ANKRD62: variants seen among roughly 807,000 people sequenced by gnomAD.
ANKRD62 encodes the protein ankyrin repeat domain 62, also known as ankyrin repeat domain-containing protein 62.
Under a neutral mutation model 98.8 loss-of-function variants are expected in ANKRD62, and 61 were observed. The ratio of observed to expected loss-of-function variants is 0.62; its 90% CI spans 0.50 to 0.76. ANKRD62 has a LOEUF of 0.76. Among genes scored for constraint, ANKRD62 ranks in the 30% least tolerant of loss-of-function variants. The pLI, the probability that ANKRD62 is intolerant of heterozygous loss-of-function variation, is 0.00. For synonymous variants in ANKRD62, 341 were observed against 367.9 expected (o/e 0.93, Z 0.84); for missense variants, 933 against 1,082.9 (o/e 0.86, Z 1.94).
the ANKRD62 span, among the ~76,000 whole-genome samples, chr18:12,156,031 C>G: frequency 2.6e-5 from 4 of 151,960 alleles, no homozygotes; most frequent in East Asian, 3.9e-4. Context: ...TTTAAAGGAG[C>G]CTGATACTAC....
chr18:12,140,822 C>T, the ANKRD62 span, among the ~76,000 whole-genome samples: 50 of 152,294 alleles, frequency 3.3e-4, no homozygotes, highest in Middle Eastern at 0.017. Flanking sequence ...GCAGTCTGCC[C>T]GTTCTCAGAT....
At chr18:12,118,899 A>C (rs1568064155) in intron 10 of ANKRD62, among the ~76,000 whole-genome samples, 1 of 152,148 alleles carries the variant, frequency 6.6e-6, no homozygotes, top group East Asian at 1.9e-4. Flanking sequence ...TAATGCTAAC[A>C]TTAAAGAGTG....
At chr18:12,155,857 G>A in the ANKRD62 span, among the ~76,000 whole-genome samples, 2 of 152,246 alleles carry the variant, frequency 1.3e-5, no homozygotes, top group South Asian at 4.1e-4. Flanking sequence ...TGGGGAGATA[G>A]AAAGGGGGAA....
At chr18:12,122,268 T>A (rs1215581931) in intron 10 of ANKRD62, 35 bp from the exon 11 acceptor site, 1 of 1,466,202 alleles carries the variant, frequency 6.8e-7, no homozygotes, top group Admixed American at 2.1e-5. Context: ...CCTACTCATG[T>A]ATTTTATCTC....
At chr18:12,173,240 C>T in the ANKRD62 span, among the ~76,000 whole-genome samples, 11 of 152,274 alleles carry the variant, frequency 7.2e-5, no homozygotes, top group East Asian at 1.9e-4. Flanking sequence ...TGGAACCTCC[C>T]GCCAACAATG....
the ANKRD62 span, among the ~76,000 whole-genome samples, chr18:12,160,036 A>G: frequency 5.3e-5 from 8 of 152,120 alleles, no homozygotes; most frequent in East Asian, 1.4e-3. Context: ...TGTGTTTCAA[A>G]TATTCTGTTT....
chr18:12,152,222 C>T, the ANKRD62 span, among the ~76,000 whole-genome samples: 1 of 151,014 alleles, frequency 6.6e-6, no homozygotes, highest in Non-Finnish European at 1.5e-5. Flanking sequence ...GGGACTCCTC[C>T]CAAACACATT....
intron 6 of ANKRD62, 116 bp downstream of exon 6, chr18:12,099,798 ATATTTT>A (rs1909260517): frequency 2.2e-6 from 1 of 447,854 alleles, no homozygotes; most frequent in Non-Finnish European, 3.7e-6. Flanking sequence ...AATTGAATGT[ATATTTT>A]TTAATTACTT....
At chr18:12,117,417 C>T (rs530616304) in intron 10 of ANKRD62, among the ~76,000 whole-genome samples, 3 of 152,280 alleles carry the variant, frequency 2.0e-5, no homozygotes, top group African/African-American at 7.2e-5. Flanking sequence ...TGTACAAAGA[C>T]AGTTTTATTT....
chr18:12,171,487 G>A, the ANKRD62 span, among the ~76,000 whole-genome samples: 2 of 152,190 alleles, frequency 1.3e-5, no homozygotes, highest in Non-Finnish European at 1.5e-5. Flanking sequence ...CTGGCTTGTA[G>A]GGTTTCTGCC....
chr18:12,151,068 G>A, the ANKRD62 span, among the ~76,000 whole-genome samples: 2 of 152,106 alleles, frequency 1.3e-5, no homozygotes, highest in Non-Finnish European at 1.5e-5. Flanking sequence ...ACACCCATAG[G>A]CTCAAAATAA....
chr18:12,171,313 G>A, the ANKRD62 span, among the ~76,000 whole-genome samples: 1 of 152,208 alleles, frequency 6.6e-6, no homozygotes, highest in East Asian at 1.9e-4. Context: ...TCCTTCAGGA[G>A]CTCTTGTAAG....
the ANKRD62 span, among the ~76,000 whole-genome samples, chr18:12,157,618 T>C: frequency 6.6e-6 from 1 of 152,206 alleles, no homozygotes; most frequent in East Asian, 1.9e-4. Flanking sequence ...CTAGGGCTAG[T>C]GTGTTCGCTT....
At chr18:12,127,250 G>T (rs1196159453) in intron 13 of ANKRD62, among the ~76,000 whole-genome samples, 1 of 152,162 alleles carries the variant, frequency 6.6e-6, no homozygotes. Flanking sequence ...GAGAGACATA[G>T]CAGCTGGGGT....
At chr18:12,123,473 A>C (rs888841918) in intron 11 of ANKRD62, among the ~76,000 whole-genome samples, 10 of 152,258 alleles carry the variant, frequency 6.6e-5, no homozygotes, top group African/African-American at 2.4e-4. Context: ...TGCGGAAGGC[A>C]GATATTGTTC....
In ANKRD62 at chr18:12,129,298, T is replaced by C. The variant is rs1215106709; in HGVS notation, c.*1359T>C. On this transcript the variant is annotated 3_prime_UTR_variant, in exon 14 of 14. Transcript: ENST00000587848. ...TAATCCTAGAGCATAGGCAGTAAAC[T>C]TTTCTGTAAAGGGCCAAGTAGTATT... 1 of 152,150 alleles carries C rather than the reference T, an allele frequency of 6.6e-6. No homozygotes were observed. The highest frequency in any genetic ancestry group is 1.5e-5 in the Non-Finnish European group (1 of 68,032). 9.4% of individuals were successfully genotyped at this position (152,150 alleles called of 1,614,324 possible).
downstream of ANKRD62, among the ~76,000 whole-genome samples, chr18:12,133,760 CTG>C (rs1402440869): frequency 6.6e-6 from 1 of 151,984 alleles, no homozygotes; most frequent in Non-Finnish European, 1.5e-5. Context: ...TTTATATATT[CTG>C]AACAAGAATG....
the ANKRD62 span, among the ~76,000 whole-genome samples, chr18:12,171,441 T>C: frequency 6.6e-6 from 1 of 152,240 alleles, no homozygotes; most frequent in East Asian, 1.9e-4. Flanking sequence ...AAAATTCTTT[T>C]CTTCAAGAAC....
chr18:12,107,112 A>G (rs543331301), intron 7 of ANKRD62, among the ~76,000 whole-genome samples, 183 bp from the exon 8 acceptor site: 129 of 138,432 alleles, frequency 9.3e-4, no homozygotes, highest in African/African-American at 3.3e-3. Context: ...ATCAGACTTT[A>G]TATGAATTTC....
Sources: allele counts gnomAD v4.1 joint callset (sites outside exome capture counted in the v4.1 genomes callset), GRCh38; gene constraint gnomAD v4.1.1; transcripts MANE v1.5; gene names NCBI Gene and HGNC (gene_info 2026-07-23, HGNC 2026-07-21).